SULF1: variants seen among roughly 807,000 people sequenced by gnomAD.
SULF1 encodes extracellular sulfatase Sulf-1.
A neutral mutation model predicts 110.5 loss-of-function variants in SULF1; 46 were observed. The ratio of observed to expected loss-of-function variants is 0.42; its 90% confidence interval spans 0.33 to 0.53. The LOEUF (loss-of-function observed/expected upper bound fraction) is 0.53. Among genes scored for constraint, SULF1 ranks in the 20% least tolerant of loss-of-function variants. The probability of loss-of-function intolerance (pLI) is 0.12; values close to 1 mark genes in which losing one functional copy is unlikely to be tolerated. For missense variants in SULF1, 941 were observed against 1,094.2 expected (o/e 0.86, Z 1.98); for synonymous variants, 371 against 387.1 (o/e 0.96, Z 0.49).
intron 6 of SULF1, among the ~76,000 whole-genome samples, chr8:69,580,114 G>A (rs1181586955): frequency 6.6e-6 from 1 of 152,064 alleles, no homozygotes; most frequent in Non-Finnish European, 1.5e-5. Context: ...TTTCAGAACT[G>A]AGGCATATTT....
At chr8:69,555,486 G>A (rs771833590) in intron 3 of SULF1, among the ~76,000 whole-genome samples, 10 of 152,088 alleles carry the variant, frequency 6.6e-5, no homozygotes, top group South Asian at 2.1e-4. Flanking sequence ...GTGAAAGCCC[G>A]TCTCTACTAA....
At chr8:69,566,480 G>A (rs557700849) in intron 5 of SULF1, among the ~76,000 whole-genome samples, 3 of 152,250 alleles carry the variant, frequency 2.0e-5, no homozygotes, top group South Asian at 2.1e-4. Flanking sequence ...TATAGACCAG[G>A]CTCAGCCAAC....
At chr8:69,512,919 CCTTAA>C (rs1344386719) in intron 3 of SULF1, among the ~76,000 whole-genome samples, 1 of 152,094 alleles carries the variant, frequency 6.6e-6, no homozygotes, top group Admixed American at 6.5e-5. Flanking sequence ...TCCTTGATTT[CCTTAA>C]CTTATTATTA....
In SULF1 at chr8:69,513,067, A is replaced by G. The variant is rs555148479; in HGVS notation, c.-134+11099A>G. Among the ~76,000 whole-genome samples the G allele has an allele frequency of 1.9e-4, 29 of 152,220 alleles. No individual in the cohort carries two copies. In the South Asian group the frequency reaches 5.6e-3, roughly 29 times the overall value. On this transcript the variant is annotated intron_variant, in intron 3 of 22. Transcript: ENST00000402687. ...AGATTCTGTGTGTTTTTAGACTAGG[A>G]TATTATCTGTCTATTTATTCTTAGA...
intron 22 of SULF1, among the ~76,000 whole-genome samples, chr8:69,658,051 T>C (rs1212001971): frequency 6.6e-6 from 1 of 152,218 alleles, no homozygotes; most frequent in African/African-American, 2.4e-5. Flanking sequence ...ATACTAAGCA[T>C]TGCCTATTAC....
chr8:69,618,602 T>C (rs1225370789), intron 13 of SULF1, among the ~76,000 whole-genome samples: 1 of 152,198 alleles, frequency 6.6e-6, no homozygotes, highest in Non-Finnish European at 1.5e-5. Context: ...TGTCTGTCCC[T>C]TGAGCTCCTG....
At chr8:69,625,651 C>T (rs1586579756) in intron 15 of SULF1, among the ~76,000 whole-genome samples, 1 of 152,206 alleles carries the variant, frequency 6.6e-6, no homozygotes, top group East Asian at 1.9e-4. Flanking sequence ...CGTGGTCTCG[C>T]TGGGCTCAGG....
At chr8:69,610,740 A>G (rs1178795556) in intron 13 of SULF1, among the ~76,000 whole-genome samples, 1 of 152,250 alleles carries the variant, frequency 6.6e-6, no homozygotes, top group Non-Finnish European at 1.5e-5. Flanking sequence ...AAACTGTATA[A>G]TACAGCCCCA....
At chr8:69,604,620 T>A (rs1808074621) in intron 12 of SULF1, among the ~76,000 whole-genome samples, 183 bp from the exon 13 acceptor site, 1 of 152,084 alleles carries the variant, frequency 6.6e-6, no homozygotes, top group Non-Finnish European at 1.5e-5. Flanking sequence ...TCCTACCCAG[T>A]TTGTCATTTT....
chr8:69,635,743 A>G (rs936116885), intron 19 of SULF1, among the ~76,000 whole-genome samples: 2 of 152,154 alleles, frequency 1.3e-5, no homozygotes, highest in African/African-American at 2.4e-5. Flanking sequence ...GATGGTGCAT[A>G]CCTGTAGTCC....
At position 69,640,815 on chromosome 8, in the gene SULF1, A is replaced by C; in HGVS notation, c.2559A>C (p.Lys853Asn). The change falls in exon 22 of 23, where the codon AAA (lysine) becomes AAC (asparagine). Residue 853 changes from lysine to asparagine, a missense_variant. Lys to Asn is a moderately conservative substitution (Grantham distance 94). Around this residue, in one of 3 missense-constraint regions of SULF1, gnomAD observed 112 missense variants for 133.5 expected, o/e 0.84. Coordinates refer to ENST00000402687, the MANE Select transcript of SULF1 (RefSeq NM_001128205.2). ...PRPKNLDVGN[K>N]DGGSYDLHRG... ...TGTATTTTCCTATATCAGGAAATAA[A>C]GATGGAGGAAGCTATGACCTACACA... is the stretch of plus-strand genomic sequence containing the variant. 1 of 1,611,818 alleles carries C rather than the reference A, an allele frequency of 6.2e-7. No individual in the cohort carries two copies. Among genetic ancestry groups the C allele is most frequent in the Non-Finnish European group, 8.5e-7 (1 of 1,179,100 alleles).
intron 5 of SULF1, among the ~76,000 whole-genome samples, chr8:69,574,918 G>A (rs764456825): frequency 6.6e-6 from 1 of 152,140 alleles, no homozygotes; most frequent in African/African-American, 2.4e-5. Context: ...GTGGCTTTTT[G>A]GACTGTTGCA....
At chr8:69,579,435 G>T (rs1056742836) in intron 6 of SULF1, among the ~76,000 whole-genome samples, 6 of 151,706 alleles carry the variant, frequency 4.0e-5, no homozygotes, top group African/African-American at 1.2e-4. Flanking sequence ...TGTAATCCCA[G>T]CTACTCAGGA....
chr8:69,652,139 C>G (rs564296557), intron 22 of SULF1, among the ~76,000 whole-genome samples: 1 of 152,220 alleles, frequency 6.6e-6, no homozygotes, highest in African/African-American at 2.4e-5. Context: ...ACATCTCGTT[C>G]TCTACCCCTC....
intron 13 of SULF1, among the ~76,000 whole-genome samples, chr8:69,620,237 G>A (rs1280547350): frequency 1.3e-5 from 2 of 152,092 alleles, no homozygotes; most frequent in Non-Finnish European, 2.9e-5. Flanking sequence ...TCCACCATTC[G>A]TCAGCTTGTC....
At position 69,569,226 on chromosome 8, in the gene SULF1, T is replaced by C. The variant is rs533911939; in HGVS notation, c.172+5079T>C. ...TATGTATAGGGAAGCTATGAGTACA[T>C]GGAGATATTTTGTTTCTTTAAAACA... On this transcript the variant is annotated intron_variant, in intron 5 of 22. Transcript: ENST00000402687. Among the ~76,000 whole-genome samples, 3 of 152,290 alleles carry C rather than the reference T, an allele frequency of 2.0e-5. 1 individual carries two copies. The East Asian group carries it at 5.8e-4, about 29-fold the overall frequency.
At chr8:69,644,263 T>C (rs142537219) in intron 22 of SULF1, among the ~76,000 whole-genome samples, 1 of 152,272 alleles carries the variant, frequency 6.6e-6, no homozygotes, top group Non-Finnish European at 1.5e-5. Context: ...CCTGATTAGT[T>C]TGAGTTCAAA....
In SULF1 at chr8:69,485,134, G is replaced by A. The variant is rs887015296; in HGVS notation, c.-390-10631G>A. ...CCTTGCAACCTCCTTCTTCTAACCC[G>A]TGCTTTCAGCCCTTCCTTTTGTGGT... On this transcript the variant is annotated intron_variant, in intron 1 of 22. Transcript: ENST00000260128. 5.3e-5 allele frequency among the ~76,000 whole-genome samples: 8 copies of A among 152,128 alleles called. No homozygotes were observed. In the East Asian group the frequency reaches 7.7e-4, roughly 15 times the overall value.
intron 6 of SULF1, among the ~76,000 whole-genome samples, chr8:69,580,897 T>G (rs1324532726): frequency 2.6e-5 from 4 of 152,200 alleles, no homozygotes; most frequent in Non-Finnish European, 5.9e-5. Context: ...GTTACAAAAT[T>G]TATGTTACTT....
Sources: gnomAD v4.1 joint callset for allele counts (sites outside exome capture counted in the v4.1 genomes callset) on GRCh38, gnomAD v4.1.1 for gene constraint, gnomAD v4.1.1 regional missense constraint, MANE v1.5 for transcripts, NCBI Gene and HGNC (gene_info 2026-07-23, HGNC 2026-07-21) for gene names.